The following ZNF730 variants were observed in gnomAD, a reference collection of about 807,000 sequenced individuals.
ZNF730 encodes the protein putative zinc finger protein 730.
ZNF730 carries 12 observed loss-of-function variants against 12.6 expected under a neutral mutation model. That is an observed-to-expected ratio of 0.95 (90% CI 0.61 to 1.54). The LOEUF is 1.54. ZNF730 is among the 40% of genes most tolerant of loss of function. The pLI is 0.00. For missense variants in ZNF730, 643 were observed against 583.5 expected, an observed-to-expected ratio of 1.10 and a Z score of -1.05; for synonymous variants, 194 against 195.8, an observed-to-expected ratio of 0.99 and a Z score of 0.08.
rs567562816 is a variant in ZNF730 at position 23,078,766 on chromosome 19, G to T, written c.-94+3379G>T. Among the ~76,000 whole-genome samples, 355 of 152,110 alleles carry T rather than the reference G, an allele frequency of 2.3e-3. 1 individual carries two copies. The highest frequency in any genetic ancestry group is 4.2e-3 in the Non-Finnish European group (288 of 67,984). On this transcript the variant is annotated intron_variant, in intron 1 of 2. Transcript: ENST00000593635. ...TGTGGAGGGGCAGGCCACCCCTTCAGTCTGAAGAATAATTTTCCACTCTGT... is the reference window on the plus strand; with the variant it reads ...TGTGGAGGGGCAGGCCACCCCTTCATTCTGAAGAATAATTTTCCACTCTGT...
At chr19:23,093,147 T>G (rs1221788163) in intron 1 of ZNF730, among the ~76,000 whole-genome samples, 1 of 152,168 alleles carries the variant, frequency 6.6e-6, no homozygotes, top group African/African-American at 2.4e-5. Flanking sequence ...CAGCTAATTT[T>G]GTATTTTTAG....
intron 1 of ZNF730, among the ~76,000 whole-genome samples, chr19:23,118,766 T>C (rs1328542469): frequency 6.6e-6 from 1 of 152,172 alleles, no homozygotes. Flanking sequence ...CTGAGATTCA[T>C]GGAAAAAATA....
At chr19:23,109,217 T>C (rs1157413452) in intron 1 of ZNF730, among the ~76,000 whole-genome samples, 8 of 152,148 alleles carry the variant, frequency 5.3e-5, no homozygotes. Flanking sequence ...TATTAATGTT[T>C]ATTTCAAAAT....
At chr19:23,137,536 T>TA (rs1970852065) in intron 3 of ZNF730, among the ~76,000 whole-genome samples, 1 of 152,254 alleles carries the variant, frequency 6.6e-6, no homozygotes, top group Non-Finnish European at 1.5e-5. Flanking sequence ...AGCAGCTTCT[T>TA]ACTTGTCTTC....
At chr19:23,116,933 TTAAACGTTATCCAATCGGGGACACTGGGC>T (rs1970535920), upstream of ZNF730, 24 of 100,478 alleles carry the variant, frequency 2.4e-4, no homozygotes, top group Admixed American at 7.4e-4. Flanking sequence ...GGGCGGGGCC[TTAAACGTTATCCAATCGGGGACACTGGGC>T]GGGGGGCCGT....
At chr19:23,134,589 T>G (rs868144288) in intron 2 of ZNF730, among the ~76,000 whole-genome samples, 17 of 32,130 alleles carry the variant, frequency 5.3e-4, no homozygotes, top group Non-Finnish European at 8.5e-4. Context: ...CGCCCCGTCC[T>G]GGAGGGTGGG....
At chr19:23,088,621 G>C (rs1029879359) in intron 1 of ZNF730, among the ~76,000 whole-genome samples, 1 of 151,122 alleles carries the variant, frequency 6.6e-6, no homozygotes, top group African/African-American at 2.4e-5. Flanking sequence ...GTGCTACCAC[G>C]CCTGGCTAAT....
intron 1 of ZNF730, among the ~76,000 whole-genome samples, chr19:23,101,534 A>C (rs1184975944): frequency 6.6e-6 from 1 of 152,200 alleles, no homozygotes; most frequent in East Asian, 1.9e-4. Flanking sequence ...GTGTGATTGT[A>C]TGCATCTGCT....
chr19:23,085,695 T>C (rs975288869), intron 1 of ZNF730, among the ~76,000 whole-genome samples: 1 of 149,820 alleles, frequency 6.7e-6, no homozygotes, highest in African/African-American at 2.5e-5. Context: ...TTTGTATTTT[T>C]AGTAGAGATA....
At chr19:23,135,573 C>A (rs1168863352) in intron 2 of ZNF730, among the ~76,000 whole-genome samples, 1 of 152,002 alleles carries the variant, frequency 6.6e-6, no homozygotes, top group Admixed American at 6.6e-5. Flanking sequence ...TGCAGTGGCA[C>A]AATGTCGGCT....
chr19:23,107,551 A>G (rs1970410476), intron 1 of ZNF730, among the ~76,000 whole-genome samples: 1 of 148,026 alleles, frequency 6.8e-6, no homozygotes, highest in Non-Finnish European at 1.5e-5. Flanking sequence ...CTCGTCTTGA[A>G]CTCTTGAGCT....
chr19:23,126,726 G>C (rs2145629950), intron 1 of ZNF730: 1 of 471,226 alleles, frequency 2.1e-6, no homozygotes, highest in Non-Finnish European at 4.2e-6. Flanking sequence ...TTGTTTTGCA[G>C]ACTGAGATTT....
intron 1 of ZNF730, among the ~76,000 whole-genome samples, chr19:23,076,573 G>A (rs1428227288): frequency 6.6e-6 from 1 of 152,114 alleles, no homozygotes; most frequent in Non-Finnish European, 1.5e-5. Flanking sequence ...ATCATCCCCT[G>A]GGTCATTTCT....
rs1356240725 is a variant in ZNF730, at chr19:23,145,966, A to G, written c.922A>G (p.Lys308Glu). The G allele has an allele frequency of 2.5e-6, 4 of 1,606,776 alleles. No homozygotes were observed. In the African/African-American group the frequency reaches 5.4e-5, roughly 22 times the overall value. ...TACTGAACATAAGAAAATTCATACT[A>G]AAGAGCAACCATACAAATGCGAAAA... ...NLTEHKKIHT[K>E]EQPYKCEKCG... Residue 308 changes from lysine to glutamate, a missense_variant, in exon 4 of 4, where the codon AAA (lysine) becomes GAA (glutamate). Lys to Glu is a moderately conservative substitution (Grantham distance 56, BLOSUM62 1). Coordinates refer to ENST00000597761, the MANE Select transcript of ZNF730 (RefSeq NM_001277403.2).
chr19:23,094,775 A>G (rs1030045899), intron 1 of ZNF730, among the ~76,000 whole-genome samples: 4 of 151,828 alleles, frequency 2.6e-5, no homozygotes, highest in East Asian at 3.9e-4. Flanking sequence ...AGCCCGGCCT[A>G]TCTATTTTTT....
chr19:23,081,707 G>A lies in ZNF730; in HGVS notation c.-94+6320G>A, dbSNP rs146159820. On this transcript the variant is annotated intron_variant, in intron 1 of 2. Coordinates refer to the ZNF730 transcript ENST00000593635. ...TGGGTTCAAGTGATTCACCCACCTC[G>A]GCCTCCCAAAGTGCTGGGATTTCAG... is the stretch of plus-strand genomic sequence containing the variant. 2.5e-3 allele frequency among the ~76,000 whole-genome samples: 374 copies of A among 151,842 alleles called. 4 individuals carry two copies. The highest frequency in any genetic ancestry group is 8.3e-3 in the African/African-American group (345 of 41,408).
At chr19:23,089,379 A>G (rs1013245440) in intron 1 of ZNF730, among the ~76,000 whole-genome samples, 1 of 151,738 alleles carries the variant, frequency 6.6e-6, no homozygotes, top group African/African-American at 2.4e-5. Context: ...TAATTTTTGT[A>G]TTTTTAGTAG....
chr19:23,097,885 T>C (rs1209928008), intron 1 of ZNF730, among the ~76,000 whole-genome samples: 3 of 152,162 alleles, frequency 2.0e-5, no homozygotes, highest in African/African-American at 7.2e-5. Flanking sequence ...ATGCCTGTAA[T>C]TTCAGCACTT....
At chr19:23,086,988 T>C (rs1452955550) in intron 1 of ZNF730, among the ~76,000 whole-genome samples, 1 of 152,110 alleles carries the variant, frequency 6.6e-6, no homozygotes, top group Non-Finnish European at 1.5e-5. Flanking sequence ...TAGTTCTCCT[T>C]GTAGAGATCT....
Sources: allele counts gnomAD v4.1 joint callset (sites outside exome capture counted in the v4.1 genomes callset), GRCh38; gene constraint gnomAD v4.1.1; transcripts MANE v1.5; gene names NCBI Gene and HGNC (gene_info 2026-07-23, HGNC 2026-07-21).